The following PTK7 variants were observed in gnomAD, a reference collection of about 807,000 sequenced individuals.
The protein encoded by PTK7 is inactive tyrosine-protein kinase 7.
A neutral mutation model predicts 116.6 loss-of-function variants in PTK7; 39 were observed. That is an observed-to-expected ratio of 0.33 (90% CI 0.26 to 0.44). The LOEUF (loss-of-function observed/expected upper bound fraction) is 0.44. Among genes scored for constraint, PTK7 ranks in the 20% least tolerant of loss-of-function variants. The probability of loss-of-function intolerance (pLI) is 1.00; values close to 1 mark genes in which losing one functional copy is unlikely to be tolerated. For missense variants in PTK7, 1,169 were observed against 1,425.6 expected (o/e 0.82, Z 2.90); for synonymous variants, 546 against 563.6 (o/e 0.97, Z 0.44).
chr6:43,090,540 G>A (rs1364345039), intron 1 of PTK7, among the ~76,000 whole-genome samples: 2 of 152,172 alleles, frequency 1.3e-5, no homozygotes, highest in Non-Finnish European at 2.9e-5. Context: ...AAGATAGAGG[G>A]TTTATGGTTA....
At position 43,161,250 on chromosome 6, in the gene PTK7, G is replaced by GGGAT. The variant is rs758321992; in HGVS notation, c.*371_*374dup. ...ACTTTGCCTGGGGAGGGCTAGGCTTGGGATGAGCTGGGTTTGTGGGGAGTT... is the reference window on the plus strand; with the variant it reads ...ACTTTGCCTGGGGAGGGCTAGGCTTGGGATGGATGAGCTGGGTTTGTGGGGAGTT... On this transcript the variant is annotated 3_prime_UTR_variant, in exon 20 of 20. Transcript: ENST00000230419. 5 of 225,988 alleles carry GGGAT rather than the reference G, an allele frequency of 2.2e-5. No homozygotes were observed. The highest frequency in any genetic ancestry group is 1.8e-3 in the Middle Eastern group (1 of 570). The allele number at this position is 225,988 out of a possible 1,614,324, so 14.0% of individuals were successfully genotyped here.
chr6:43,079,588 T>G (rs1046361652), intron 1 of PTK7, among the ~76,000 whole-genome samples: 1 of 152,086 alleles, frequency 6.6e-6, no homozygotes. Flanking sequence ...CTTCCCTGTA[T>G]ACTTTTGTTT....
At chr6:43,131,718 T>G in intron 5 of PTK7, 4 of 420,946 alleles carry the variant, frequency 9.5e-6, no homozygotes, top group East Asian at 5.5e-5. Context: ...CAATTTAAGA[T>G]GAGATTTGAG....
At position 43,100,724 on chromosome 6, in the gene PTK7, C is replaced by G. The variant is rs116292811; in HGVS notation, c.79+24157C>G. Among the ~76,000 whole-genome samples, 959 of 152,220 alleles carry G rather than the reference C, an allele frequency of 6.3e-3. 14 individuals carry two copies. Among genetic ancestry groups the G allele is most frequent in the African/African-American group, 0.022 (903 of 41,538 alleles). ...GGGGAAATCCTATATTCAGAGTACTCTACAAATTTGTGTGTATGTGTTTGT... is the reference window on the plus strand; with the variant it reads ...GGGGAAATCCTATATTCAGAGTACTGTACAAATTTGTGTGTATGTGTTTGT... On this transcript the variant is annotated intron_variant, in intron 1 of 19. Coordinates refer to ENST00000230419, the MANE Select transcript of PTK7 (RefSeq NM_002821.5).
At chr6:43,112,439 C>T (rs189794027) in intron 1 of PTK7, among the ~76,000 whole-genome samples, 166 of 151,832 alleles carry the variant, frequency 1.1e-3, no homozygotes, top group African/African-American at 3.5e-3. Context: ...TGTGTCTCTG[C>T]GTGTTGATTT....
At chr6:43,121,366 T>C (rs1201011479) in intron 1 of PTK7, among the ~76,000 whole-genome samples, 1 of 152,236 alleles carries the variant, frequency 6.6e-6, no homozygotes, top group East Asian at 1.9e-4. Context: ...TTGGTGATCC[T>C]GTTCTGTTTC....
chr6:43,110,462 G>C (rs1459434918), intron 1 of PTK7, among the ~76,000 whole-genome samples: 6 of 151,714 alleles, frequency 4.0e-5, no homozygotes, highest in Admixed American at 3.9e-4. Flanking sequence ...GCCCAGGCTG[G>C]AGTACAGTGG....
At chr6:43,125,912 C>A (rs939911340) in intron 1 of PTK7, among the ~76,000 whole-genome samples, 6 of 152,156 alleles carry the variant, frequency 3.9e-5, no homozygotes, top group African/African-American at 1.4e-4. Context: ...AGACTCCTGG[C>A]TCCCCACCAT....
chr6:43,084,541 G>A (rs1422517602), intron 1 of PTK7, among the ~76,000 whole-genome samples: 5 of 152,220 alleles, frequency 3.3e-5, no homozygotes, highest in African/African-American at 9.6e-5. Flanking sequence ...AGTCTGAAGC[G>A]GAGGTGTGGT....
At chr6:43,109,289 C>T (rs753775519) in intron 1 of PTK7, among the ~76,000 whole-genome samples, 1 of 152,102 alleles carries the variant, frequency 6.6e-6, no homozygotes, top group Non-Finnish European at 1.5e-5. Context: ...AATCCTCCCA[C>T]CTGAGCCACT....
At chr6:43,150,335 C>T (rs1770991683) in intron 17 of PTK7, among the ~76,000 whole-genome samples, 1 of 152,172 alleles carries the variant, frequency 6.6e-6, no homozygotes, top group Non-Finnish European at 1.5e-5. Flanking sequence ...TCTTTTATAA[C>T]AGTATTTGAG....
Position 43,132,492 on chromosome 6 carries a change from C to A in PTK7, c.1033C>A (p.Pro345Thr). 1 of 1,605,228 alleles carries A rather than the reference C, an allele frequency of 6.2e-7. No homozygotes were observed. Among genetic ancestry groups the A allele is most frequent in the Non-Finnish European group, 8.5e-7 (1 of 1,173,176 alleles). Residue 345 changes from proline (P) to threonine (T), a missense_variant, in exon 7 of 20, where the codon CCC becomes ACC. Coordinates refer to ENST00000230419, the MANE Select transcript of PTK7 (RefSeq NM_002821.5). ...AGSEERVTCLPPKGLPEPSVW... is the reference protein window; with the variant it reads ...AGSEERVTCLTPKGLPEPSVW... ...CAGCGAGGAGCGTGTGACCTGCCTT[C>A]CCCCCAAGGGTCTGCCAGAGCCCAG...
In PTK7 at chr6:43,129,628, G is replaced by T; in HGVS notation, c.368-99G>T. ...GCTTCCTTGTGTCTGTTGGCACAGA[G>T]CCTCGAGGTTCCACGGCTTCCTGCT... On this transcript the variant is annotated intron_variant, in intron 2 of 19. Transcript: ENST00000230419. The surrounding 1 kb of genome is among the most constrained non-coding windows in gnomAD (Gnocchi z 4.5). 9.5e-7 allele frequency: 1 copy of T among 1,050,508 alleles called. No individual in the cohort carries two copies. Among genetic ancestry groups the T allele is most frequent in the Non-Finnish European group, 1.5e-6 (1 of 683,142 alleles). 65.1% of individuals were successfully genotyped at this position (1,050,508 alleles called of 1,614,324 possible).
intron 1 of PTK7, among the ~76,000 whole-genome samples, chr6:43,118,535 T>TGAAATAAA (rs1768697427): frequency 6.7e-6 from 1 of 148,764 alleles, no homozygotes; most frequent in Non-Finnish European, 1.5e-5. Context: ...GACTCTGTCT[T>TGAAATAAA]GAAATAAATA....
chr6:43,141,438 G>A lies in PTK7; in HGVS notation c.1619-230G>A, dbSNP rs971731528. Among the ~76,000 whole-genome samples, 1 of 152,148 alleles carries A rather than the reference G, an allele frequency of 6.6e-6. No homozygotes were observed. The highest frequency in any genetic ancestry group is 2.4e-5 in the African/African-American group (1 of 41,434). ...CTGGGCCCAAACAGAGTCCGGTTTG[G>A]CAGACGTGGAATGTCACACAGGGCA... On this transcript the variant is annotated intron_variant, in intron 10 of 19. Coordinates refer to ENST00000230419, the MANE Select transcript of PTK7 (RefSeq NM_002821.5). The surrounding 1 kb of genome is among the most constrained non-coding windows in gnomAD (Gnocchi z 4.9).
chr6:43,089,307 A>G (rs1196203678), intron 1 of PTK7, among the ~76,000 whole-genome samples: 3 of 152,202 alleles, frequency 2.0e-5, no homozygotes, highest in Non-Finnish European at 4.4e-5. Flanking sequence ...TCAATGAAGG[A>G]TGCAAAGGGA....
chr6:43,083,436 T>C (rs1766483729), intron 1 of PTK7, among the ~76,000 whole-genome samples: 2 of 152,254 alleles, frequency 1.3e-5, no homozygotes, highest in African/African-American at 2.4e-5. Flanking sequence ...TATGTTGGAA[T>C]TCTCTTGAGT....
intron 16 of PTK7, 145 bp from the exon 17 acceptor site, chr6:43,146,473 C>CT (rs60930750): frequency 0.98 from 644,096 of 655,908 alleles, 316,370 homozygotes; most frequent in East Asian, 1. Context: ...TCCCAGTGAA[C>CT]TTCCCCCTGG....
At chr6:43,093,908 A>G (rs1394410873) in intron 1 of PTK7, among the ~76,000 whole-genome samples, 1 of 152,184 alleles carries the variant, frequency 6.6e-6, no homozygotes, top group South Asian at 2.1e-4. Context: ...AAAGTTTCCC[A>G]CTGGCCACTT....
Sources: allele counts gnomAD v4.1 joint callset (sites outside exome capture counted in the v4.1 genomes callset), GRCh38; gene constraint gnomAD v4.1.1; non-coding constraint Gnocchi (gnomAD v3.1); transcripts MANE v1.5; gene names NCBI Gene and HGNC (gene_info 2026-07-23, HGNC 2026-07-21).